PIP5K1B: variants seen among roughly 807,000 people sequenced by gnomAD.
PIP5K1B encodes the protein phosphatidylinositol-4-phosphate 5-kinase type 1 beta, also known as phosphatidylinositol 4-phosphate 5-kinase type-1 beta.
PIP5K1B carries 42 observed loss-of-function variants against 67.0 expected under a neutral mutation model. The observed-to-expected ratio is 0.63, with a 90% CI of 0.49 to 0.81. The LOEUF is 0.81. Among genes scored for constraint, PIP5K1B ranks in the 30% least tolerant of loss-of-function variants. PIP5K1B has a pLI of 0.00. For synonymous variants in PIP5K1B, 214 were observed against 231.4 expected (o/e 0.92, Z 0.68); for missense variants, 459 against 646.3 (o/e 0.71, Z 3.14).
chr9:68,722,197 T>G (rs1203026436), intron 1 of PIP5K1B, among the ~76,000 whole-genome samples: 1 of 152,150 alleles, frequency 6.6e-6, no homozygotes, highest in Non-Finnish European at 1.5e-5. Flanking sequence ...CTAACAGCTC[T>G]TTCTTTATTT....
chr9:68,711,175 A>G (rs750323676), intron 1 of PIP5K1B, among the ~76,000 whole-genome samples: 1 of 152,226 alleles, frequency 6.6e-6, no homozygotes, highest in African/African-American at 2.4e-5. Context: ...GAGCCATAAA[A>G]ATGTGCTTTC....
At chr9:68,990,663 A>G (rs1158027573) in intron 14 of PIP5K1B, among the ~76,000 whole-genome samples, 1 of 131,642 alleles carries the variant, frequency 7.6e-6, no homozygotes, top group African/African-American at 2.6e-5. Flanking sequence ...GTAAAACTGA[A>G]TACTATATAT....
At chr9:68,894,911 T>C (rs536551345) in intron 8 of PIP5K1B, among the ~76,000 whole-genome samples, 16 of 152,362 alleles carry the variant, frequency 1.1e-4, no homozygotes, top group Non-Finnish European at 1.8e-4. Context: ...AAGAAAGCTT[T>C]GTTTTCTTTT....
intron 6 of PIP5K1B, among the ~76,000 whole-genome samples, chr9:68,883,990 C>T (rs1472411245): frequency 1.3e-5 from 2 of 152,096 alleles, no homozygotes; most frequent in African/African-American, 4.8e-5. Flanking sequence ...ACATCATAAA[C>T]AAGAATCATC....
At chr9:68,895,422 T>C (rs1278132461) in intron 8 of PIP5K1B, among the ~76,000 whole-genome samples, 1 of 152,076 alleles carries the variant, frequency 6.6e-6, no homozygotes, top group Non-Finnish European at 1.5e-5. Context: ...AGTTGGGTAG[T>C]GGAGGTGGGC....
intron 14 of PIP5K1B, among the ~76,000 whole-genome samples, chr9:68,949,404 T>C (rs1827953623): frequency 6.6e-6 from 1 of 152,196 alleles, no homozygotes; most frequent in Non-Finnish European, 1.5e-5. Flanking sequence ...AAAAGTTCTT[T>C]GGAAATAAAC....
Position 68,986,469 on chromosome 9 carries a change from T to C in PIP5K1B, c.1503-4671T>C, listed in dbSNP as rs201354126. Among the ~76,000 whole-genome samples the C allele has an allele frequency of 9.8e-5, 15 of 152,324 alleles. No homozygotes were observed. The East Asian group carries it at 2.7e-3, about 27-fold the overall frequency. ...TTATTGCTAAGTTATAAGAGTTCTTTATATAATCTGGATACATGTCTCGAT... is the reference window on the plus strand; with the variant it reads ...TTATTGCTAAGTTATAAGAGTTCTTCATATAATCTGGATACATGTCTCGAT... On this transcript the variant is annotated intron_variant, in intron 14 of 15. Coordinates refer to ENST00000265382, the MANE Select transcript of PIP5K1B (RefSeq NM_003558.4).
chr9:68,714,881 T>C (rs1827558962), intron 1 of PIP5K1B, among the ~76,000 whole-genome samples: 1 of 152,132 alleles, frequency 6.6e-6, no homozygotes, highest in Admixed American at 6.6e-5. Context: ...CAAGGTGCAC[T>C]CCACTCACTC....
intron 5 of PIP5K1B, among the ~76,000 whole-genome samples, chr9:68,872,371 A>G (rs577161201): frequency 2.0e-5 from 3 of 152,172 alleles, no homozygotes; most frequent in Non-Finnish European, 4.4e-5. Context: ...CATTTCCTTC[A>G]CTAGAGCTTC....
intron 2 of PIP5K1B, among the ~76,000 whole-genome samples, chr9:68,753,093 A>T (rs1224849944): frequency 6.6e-6 from 1 of 152,124 alleles, no homozygotes; most frequent in Non-Finnish European, 1.5e-5. Context: ...TATTTTCCAA[A>T]ATGAATAGCC....
intron 1 of PIP5K1B, among the ~76,000 whole-genome samples, chr9:68,709,185 G>GT (rs1418638617): frequency 6.6e-6 from 1 of 152,114 alleles, no homozygotes; most frequent in Admixed American, 6.5e-5. Flanking sequence ...GCATTTATAT[G>GT]TTTAAGTTTT....
At chr9:68,865,643 A>G (rs769497839) in intron 5 of PIP5K1B, among the ~76,000 whole-genome samples, 1 of 152,168 alleles carries the variant, frequency 6.6e-6, no homozygotes, top group Non-Finnish European at 1.5e-5. Context: ...TCCAGTGTCC[A>G]ATCAACACAG....
intron 13 of PIP5K1B, among the ~76,000 whole-genome samples, chr9:68,936,182 T>A (rs529396239): frequency 4.6e-5 from 7 of 151,794 alleles, no homozygotes; most frequent in Non-Finnish European, 7.4e-5. Flanking sequence ...TTTGTCTTTT[T>A]TTCTTTCTTA....
chr9:68,793,018 G>A (rs1832068472), intron 2 of PIP5K1B, among the ~76,000 whole-genome samples: 1 of 111,248 alleles, frequency 9.0e-6, no homozygotes, highest in African/African-American at 2.8e-5. Context: ...TAGAAGGAGG[G>A]GCAGTAACAA....
At chr9:68,709,390 G>T (rs1827277463) in intron 1 of PIP5K1B, among the ~76,000 whole-genome samples, 1 of 151,976 alleles carries the variant, frequency 6.6e-6, no homozygotes, top group South Asian at 2.1e-4. Flanking sequence ...GCACTACCAT[G>T]CCTGGCTAAT....
chr9:68,990,898 G>A (rs941948740), intron 14 of PIP5K1B, among the ~76,000 whole-genome samples: 11 of 151,978 alleles, frequency 7.2e-5, no homozygotes, highest in Non-Finnish European at 1.0e-4. Flanking sequence ...TCTTGACCTC[G>A]TGATCCGCCG....
At chr9:68,857,925 C>T (rs1375372346) in intron 4 of PIP5K1B, among the ~76,000 whole-genome samples, 1 of 151,384 alleles carries the variant, frequency 6.6e-6, no homozygotes, top group African/African-American at 2.4e-5. Flanking sequence ...ATCTCCCTTC[C>T]CATACACCCA....
intron 1 of PIP5K1B, among the ~76,000 whole-genome samples, chr9:68,707,159 G>C (rs1161285437): frequency 6.6e-6 from 1 of 152,172 alleles, no homozygotes; most frequent in African/African-American, 2.4e-5. Flanking sequence ...AGACTTATGA[G>C]GACTGATGAG....
chr9:68,732,726 G>T (rs1828504135), intron 1 of PIP5K1B, among the ~76,000 whole-genome samples: 1 of 152,296 alleles, frequency 6.6e-6, no homozygotes, highest in South Asian at 2.1e-4. Context: ...TTTTGGGAGA[G>T]CTCAGAGTTA....
Sources: gnomAD v4.1 joint callset for allele counts (sites outside exome capture counted in the v4.1 genomes callset) on GRCh38, gnomAD v4.1.1 for gene constraint, MANE v1.5 for transcripts, NCBI Gene and HGNC (gene_info 2026-07-23, HGNC 2026-07-21) for gene names.